Variants in DLG2 observed in about 807,000 individuals in gnomAD.
DLG2 encodes disks large homolog 2.
A neutral mutation model predicts 132.5 loss-of-function variants in DLG2; 45 were observed. The ratio of observed to expected loss-of-function variants is 0.34; its 90% CI spans 0.27 to 0.44. DLG2 has a LOEUF of 0.44. Among genes scored for constraint, DLG2 ranks in the 20% least tolerant of loss-of-function variants. The pLI, the probability that DLG2 is intolerant of heterozygous loss-of-function variation, is 1.00. For synonymous variants in DLG2, 424 were observed against 419.6 expected (o/e 1.01, Z -0.13); for missense variants, 1,045 against 1,196.9 (o/e 0.87, Z 1.87).
intron 7 of DLG2, among the ~76,000 whole-genome samples, chr11:84,418,381 T>C (rs1032751577): frequency 6.6e-6 from 1 of 152,188 alleles, no homozygotes; most frequent in African/African-American, 2.4e-5. Context: ...AGAATAATAG[T>C]TGGATGATAT....
At chr11:85,147,249 T>C (rs991731806) in intron 5 of DLG2, among the ~76,000 whole-genome samples, 7 of 152,234 alleles carry the variant, frequency 4.6e-5, no homozygotes, top group Non-Finnish European at 8.8e-5. Flanking sequence ...TTGGTGTTCC[T>C]GCAGGGGGGA....
At chr11:83,728,146 C>A (rs2090359195) in intron 18 of DLG2, among the ~76,000 whole-genome samples, 1 of 152,152 alleles carries the variant, frequency 6.6e-6, no homozygotes, top group South Asian at 2.1e-4. Context: ...CTACTCTCTC[C>A]AAACTTGCTC....
intron 19 of DLG2, among the ~76,000 whole-genome samples, chr11:83,608,779 C>T (rs1175059252): frequency 6.6e-6 from 1 of 151,882 alleles, no homozygotes; most frequent in East Asian, 1.9e-4. Flanking sequence ...TCAGATACTA[C>T]AGCTGGTTCT....
At chr11:84,871,185 G>T (rs2085405315) in intron 6 of DLG2, among the ~76,000 whole-genome samples, 1 of 152,184 alleles carries the variant, frequency 6.6e-6, no homozygotes, top group Admixed American at 6.5e-5. Context: ...TGGTGCGTAT[G>T]AGAATTTACA....
intron 6 of DLG2, among the ~76,000 whole-genome samples, chr11:84,929,931 C>T (rs1164753071): frequency 6.6e-6 from 1 of 151,880 alleles, no homozygotes; most frequent in Admixed American, 6.6e-5. Flanking sequence ...AATTACTCAC[C>T]ACCCTGTACC....
At chr11:85,483,140 T>C (rs2093338859) in intron 3 of DLG2, among the ~76,000 whole-genome samples, 1 of 152,126 alleles carries the variant, frequency 6.6e-6, no homozygotes, top group Admixed American at 6.5e-5. Context: ...AATGACAATA[T>C]GTCAAAAATC....
intron 7 of DLG2, among the ~76,000 whole-genome samples, chr11:84,376,733 C>T (rs2098730811): frequency 6.6e-6 from 1 of 151,690 alleles, no homozygotes; most frequent in Non-Finnish European, 1.5e-5. Context: ...CAACTCATTT[C>T]AGCACAGGAG....
In DLG2 at chr11:83,628,598, A is replaced by G. The variant is rs560018501; in HGVS notation, c.1940+4613T>C. On this transcript the variant is annotated intron_variant, in intron 19 of 27. Coordinates refer to ENST00000376104, the MANE Select transcript of DLG2 (RefSeq NM_001142699.3). The stretch of plus-strand genomic sequence containing the variant: ...GAATTCTATGGGATAATACATGTAA[A>G]ACAATAGAATAATGGTTGACCCATA... Among the ~76,000 whole-genome samples the G allele has an allele frequency of 5.3e-5, 8 of 152,278 alleles. No individual in the cohort carries two copies. The South Asian group carries it at 1.7e-3, about 32-fold the overall frequency.
intron 7 of DLG2, among the ~76,000 whole-genome samples, chr11:84,471,932 T>C (rs1384939393): frequency 1.3e-5 from 2 of 151,362 alleles, no homozygotes; most frequent in African/African-American, 4.9e-5. Context: ...CTGGCTAAAA[T>C]AGTAGCATTA....
At chr11:85,076,185 T>C (rs144887926) in intron 6 of DLG2, among the ~76,000 whole-genome samples, 4 of 152,104 alleles carry the variant, frequency 2.6e-5, no homozygotes, top group East Asian at 1.9e-4. Flanking sequence ...AAAAAGCTTA[T>C]CAGTCTTGCA....
intron 7 of DLG2, among the ~76,000 whole-genome samples, chr11:84,329,368 A>C (rs1290201229): frequency 6.6e-6 from 1 of 152,120 alleles, no homozygotes; most frequent in Non-Finnish European, 1.5e-5. Flanking sequence ...ATGTCGTGGG[A>C]GGGACCTGGT....
chr11:84,960,218 C>A (rs1033626391), intron 6 of DLG2, among the ~76,000 whole-genome samples: 2 of 151,992 alleles, frequency 1.3e-5, no homozygotes, highest in African/African-American at 4.8e-5. Flanking sequence ...GTCTTTTATT[C>A]GCCCATAAAG....
At chr11:83,719,176 G>T (rs1206111293) in intron 18 of DLG2, among the ~76,000 whole-genome samples, 1 of 152,188 alleles carries the variant, frequency 6.6e-6, no homozygotes, top group Non-Finnish European at 1.5e-5. Context: ...AAGTCTGTAG[G>T]TGTATGCATA....
chr11:84,726,711 C>T (rs142922924), intron 6 of DLG2, among the ~76,000 whole-genome samples: 7 of 152,154 alleles, frequency 4.6e-5, no homozygotes, highest in African/African-American at 1.7e-4. Context: ...AATAGTTGAA[C>T]TAATTTACAC....
At chr11:85,273,334 G>T (rs1215847384) in intron 4 of DLG2, among the ~76,000 whole-genome samples, 3 of 151,944 alleles carry the variant, frequency 2.0e-5, no homozygotes, top group African/African-American at 7.3e-5. Flanking sequence ...AGAATGGGAA[G>T]AAATTTTTAC....
chr11:83,816,945 C>T lies in DLG2; in HGVS notation c.1722+16669G>A, dbSNP rs189480223. ...AATAATCAGCCTATAGGGACAGTAC[C>T]TAACATTGTGTCCTGCGCAATACAG... On this transcript the variant is annotated intron_variant, in intron 17 of 27. Coordinates refer to ENST00000376104, the MANE Select transcript of DLG2 (RefSeq NM_001142699.3). Among the ~76,000 whole-genome samples the T allele has an allele frequency of 1.2e-3, 183 of 151,460 alleles. 1 individual carries two copies. Among genetic ancestry groups the T allele is most frequent in the Middle Eastern group, 0.01 (3 of 292 alleles).
At chr11:84,721,218 G>A (rs1044383365) in intron 6 of DLG2, among the ~76,000 whole-genome samples, 14 of 152,324 alleles carry the variant, frequency 9.2e-5, no homozygotes, top group African/African-American at 2.4e-4. Context: ...CTTGCCGGGG[G>A]CAGAGGGCCA....
chr11:84,841,162 C>T (rs1246624667), intron 6 of DLG2, among the ~76,000 whole-genome samples: 1 of 151,702 alleles, frequency 6.6e-6, no homozygotes, highest in Non-Finnish European at 1.5e-5. Context: ...TAAAATAACA[C>T]CATATATGTT....
chr11:84,274,988 C>T (rs2097770770), intron 7 of DLG2, among the ~76,000 whole-genome samples: 1 of 152,140 alleles, frequency 6.6e-6, no homozygotes, highest in South Asian at 2.1e-4. Flanking sequence ...AGAAAATATT[C>T]CTTCACTAGT....
Sources: allele counts gnomAD v4.1 joint callset (sites outside exome capture counted in the v4.1 genomes callset), GRCh38; gene constraint gnomAD v4.1.1; transcripts MANE v1.5; gene names NCBI Gene and HGNC (gene_info 2026-07-23, HGNC 2026-07-21).